PSD3: variants seen among roughly 807,000 people sequenced by gnomAD.
The protein encoded by PSD3 is PH and SEC7 domain-containing protein 3.
Under a neutral mutation model 105.5 loss-of-function variants are expected in PSD3, and 49 were observed. That is an observed-to-expected ratio of 0.46 (90% CI 0.37 to 0.59). The LOEUF (loss-of-function observed/expected upper bound fraction) is 0.59, where lower values mean the gene tolerates loss of function less well. Among genes scored for constraint, PSD3 ranks in the 20% least tolerant of loss-of-function variants. The pLI is 0.00. For synonymous variants in PSD3, 557 were observed against 457.8 expected (o/e 1.22, Z -2.77); for missense variants, 1,561 against 1,263.8 (o/e 1.24, Z -3.57).
chr8:18,782,540 G>A (rs1808739431), intron 8 of PSD3, among the ~76,000 whole-genome samples: 2 of 152,210 alleles, frequency 1.3e-5, no homozygotes, highest in South Asian at 2.1e-4. Context: ...AGGCAGGCCA[G>A]TTCTTAGGCA....
At chr8:19,000,555 T>A (rs372892185) in intron 1 of PSD3, 4 of 151,756 alleles carry the variant, frequency 2.6e-5, no homozygotes, top group African/African-American at 9.7e-5. Context: ...GGTGAGGAAA[T>A]CCATAGTAAC....
chr8:18,904,029 T>A (rs533801927), intron 2 of PSD3, among the ~76,000 whole-genome samples: 15 of 152,096 alleles, frequency 9.9e-5, no homozygotes, highest in South Asian at 6.2e-4. Flanking sequence ...GAGTAATTTA[T>A]AAAGAAAAGA....
intron 1 of PSD3, among the ~76,000 whole-genome samples, chr8:19,047,720 T>C (rs1255574885): frequency 1.3e-5 from 2 of 152,128 alleles, no homozygotes; most frequent in Admixed American, 1.3e-4. Flanking sequence ...TGTTGAATGA[T>C]GTCAATGAAC....
chr8:18,570,515 C>G (rs1802061681), intron 14 of PSD3, among the ~76,000 whole-genome samples: 1 of 148,274 alleles, frequency 6.7e-6, no homozygotes, highest in African/African-American at 2.5e-5. Flanking sequence ...AAGAAACTAC[C>G]ATCAGAGTGA....
intron 4 of PSD3, among the ~76,000 whole-genome samples, chr8:18,837,803 A>T (rs1315121944): frequency 2.0e-5 from 3 of 152,144 alleles, no homozygotes; most frequent in Non-Finnish European, 4.4e-5. Flanking sequence ...AAACATATTT[A>T]AAAAAATAAA....
At chr8:18,917,893 T>C (rs987085068) in intron 2 of PSD3, among the ~76,000 whole-genome samples, 1 of 152,150 alleles carries the variant, frequency 6.6e-6, no homozygotes, top group African/African-American at 2.4e-5. Flanking sequence ...TTATTTTGTC[T>C]AAGCCACCGG....
intron 2 of PSD3, among the ~76,000 whole-genome samples, chr8:18,913,396 A>T (rs1820375794): frequency 6.6e-6 from 1 of 151,486 alleles, no homozygotes; most frequent in Non-Finnish European, 1.5e-5. Context: ...TTTCCACATG[A>T]TTCCTGGGCA....
intron 8 of PSD3, chr8:18,774,699 T>C (rs759206076): frequency 5.5e-6 from 2 of 361,356 alleles, no homozygotes; most frequent in East Asian, 7.5e-5. Context: ...TTTCTTGCCC[T>C]TGTAGAACTT....
intron 1 of PSD3, among the ~76,000 whole-genome samples, chr8:19,021,568 A>C (rs541139772): frequency 5.6e-4 from 85 of 152,258 alleles, no homozygotes; most frequent in African/African-American, 1.9e-3. Context: ...CAAAAAAAAA[A>C]AAAACCCATA....
rs1225451382 is a variant in PSD3 at position 18,530,602 on chromosome 8, A to G, written c.*5141T>C. On this transcript the variant is annotated 3_prime_UTR_variant, in exon 16 of 16. Coordinates refer to ENST00000327040, the MANE Select transcript of PSD3 (RefSeq NM_015310.4). ...CAATAAAGAACGTGTGCTTTAAAGC[A>G]TCACATTTTGTAATAAGCCCAAAAT... The G allele has an allele frequency of 6.6e-6, 1 of 152,632 alleles. No individual in the cohort carries two copies. The highest frequency in any genetic ancestry group is 1.5e-5 in the Non-Finnish European group (1 of 68,038). 9.5% of individuals were successfully genotyped at this position (152,632 alleles called of 1,614,324 possible).
At chr8:18,691,171 T>C (rs981718036) in intron 9 of PSD3, among the ~76,000 whole-genome samples, 17 of 152,308 alleles carry the variant, frequency 1.1e-4, no homozygotes, top group African/African-American at 2.6e-4. Flanking sequence ...CGTTCTTACA[T>C]TGCAAATGAA....
At chr8:18,819,207 G>A (rs1375462059) in intron 4 of PSD3, among the ~76,000 whole-genome samples, 1 of 152,184 alleles carries the variant, frequency 6.6e-6, no homozygotes, top group Non-Finnish European at 1.5e-5. Context: ...TGTTGACAAA[G>A]CCAGGCTTTC....
chr8:18,917,465 C>T (rs1820699102), intron 2 of PSD3, among the ~76,000 whole-genome samples: 1 of 152,186 alleles, frequency 6.6e-6, no homozygotes, highest in Non-Finnish European at 1.5e-5. Flanking sequence ...AAAGCAAGTC[C>T]TCACTCAACA....
chr8:18,730,919 AT>A (rs1803700257), intron 9 of PSD3, among the ~76,000 whole-genome samples: 3 of 152,202 alleles, frequency 2.0e-5, no homozygotes, highest in Admixed American at 1.3e-4. Flanking sequence ...AAAAAATCAC[AT>A]GTACCTAGCT....
chr8:18,619,267 C>T (rs530604129), intron 11 of PSD3, among the ~76,000 whole-genome samples: 1 of 152,246 alleles, frequency 6.6e-6, no homozygotes, highest in East Asian at 1.9e-4. Flanking sequence ...TCAGGCCCGA[C>T]TGACCAGCAT....
intron 9 of PSD3, chr8:18,684,250 ACC>A (rs1554470535): frequency 3.1e-4 from 53 of 170,538 alleles, no homozygotes; most frequent in African/African-American, 1.3e-3. Flanking sequence ...ACACACACAC[ACC>A]CCATCATATT....
chr8:18,647,770 G>T (rs917231637), intron 10 of PSD3, among the ~76,000 whole-genome samples: 5 of 152,084 alleles, frequency 3.3e-5, no homozygotes, highest in African/African-American at 1.2e-4. Context: ...GGTGAGAGGT[G>T]ACTCGATCAT....
At chr8:18,698,072 T>C (rs1261431316) in intron 9 of PSD3, among the ~76,000 whole-genome samples, 1 of 152,088 alleles carries the variant, frequency 6.6e-6, no homozygotes, top group Non-Finnish European at 1.5e-5. Context: ...TTACCCTGGG[T>C]TGTCTCAGTG....
At position 18,533,234 on chromosome 8, in the gene PSD3, C is replaced by G. The variant is rs1799702549; in HGVS notation, c.*2509G>C. On this transcript the variant is annotated 3_prime_UTR_variant, in exon 16 of 16. Transcript: ENST00000327040. ...TCCTTCATGCACTCATGACAGACAGCAACCTTCAGAAGCCTCAGGGAAGAG... is the reference window on the plus strand; with the variant it reads ...TCCTTCATGCACTCATGACAGACAGGAACCTTCAGAAGCCTCAGGGAAGAG... 1 of 152,248 alleles carries G rather than the reference C, an allele frequency of 6.6e-6. No individual in the cohort carries two copies. The highest frequency in any genetic ancestry group is 6.5e-5 in the Admixed American group (1 of 15,282). 9.4% of individuals were successfully genotyped at this position (152,248 alleles called of 1,614,324 possible).
Sources: allele counts gnomAD v4.1 joint callset (sites outside exome capture counted in the v4.1 genomes callset), GRCh38; gene constraint gnomAD v4.1.1; transcripts MANE v1.5; gene names NCBI Gene and HGNC (gene_info 2026-07-23, HGNC 2026-07-21).